The following PLCG2 variants were observed in gnomAD, a reference collection of about 807,000 sequenced individuals.
PLCG2 encodes 1-phosphatidylinositol 4,5-bisphosphate phosphodiesterase gamma-2.
A neutral mutation model predicts 175.6 loss-of-function variants in PLCG2; 69 were observed. The ratio of observed to expected loss-of-function variants is 0.39; its 90% confidence interval spans 0.32 to 0.48. The LOEUF (loss-of-function observed/expected upper bound fraction) is 0.48. Among genes scored for constraint, PLCG2 ranks in the 20% least tolerant of loss-of-function variants. The pLI is 0.91. For synonymous variants in PLCG2, 827 were observed against 624.0 expected (o/e 1.33, Z -4.85); for missense variants, 1,798 against 1,650.9 (o/e 1.09, Z -1.54).
At chr16:81,866,077 A>T (rs1282519347) in intron 5 of PLCG2, among the ~76,000 whole-genome samples, 8 of 116,618 alleles carry the variant, frequency 6.9e-5, no homozygotes, top group African/African-American at 1.7e-4. Context: ...TGCTCCCAGG[A>T]TGGGCTCCAC....
Position 81,834,392 on chromosome 16 carries a change from G to A in PLCG2, c.194-20052G>A, listed in dbSNP as rs898427425. ...GAGTCTTAGCCCAGGAGCCGGCGCG[G>A]GTGGTGTTGGAGAACTCTGGGCCTG... is the stretch of plus-strand genomic sequence containing the variant. On this transcript the variant is annotated intron_variant, in intron 2 of 32. Coordinates refer to ENST00000564138, the MANE Select transcript of PLCG2 (RefSeq NM_002661.5). Among the ~76,000 whole-genome samples, 4 of 152,248 alleles carry A rather than the reference G, an allele frequency of 2.6e-5. No individual in the cohort carries two copies. The East Asian group carries it at 5.8e-4, about 22-fold the overall frequency.
intron 30 of PLCG2, among the ~76,000 whole-genome samples, chr16:81,940,484 C>G (rs1237595565): frequency 1.3e-5 from 2 of 150,940 alleles, no homozygotes; most frequent in African/African-American, 2.5e-5. Context: ...TCTCGAGGGT[C>G]CAACTCCCCA....
At chr16:81,767,144 T>G (rs76177203) in intron 2 of PLCG2, among the ~76,000 whole-genome samples, 2,394 of 137,420 alleles carry the variant, frequency 0.017, 71 homozygotes, top group African/African-American at 0.061. Context: ...TGGTTTTTTT[T>G]TTTTTTTTTT....
intron 13 of PLCG2, among the ~76,000 whole-genome samples, chr16:81,899,351 C>G (rs1451030332): frequency 2.7e-5 from 4 of 150,606 alleles, no homozygotes; most frequent in African/African-American, 4.9e-5. Context: ...TATACATGTA[C>G]TAATGATATG....
At chr16:81,850,362 A>C (rs909021569) in intron 2 of PLCG2, among the ~76,000 whole-genome samples, 2 of 152,238 alleles carry the variant, frequency 1.3e-5, no homozygotes, top group Admixed American at 6.5e-5. Context: ...GAAACAAACA[A>C]ACAAAAAAGT....
intron 1 of PLCG2, among the ~76,000 whole-genome samples, chr16:81,780,424 C>T (rs1005224986): frequency 6.6e-6 from 1 of 152,204 alleles, no homozygotes; most frequent in Non-Finnish European, 1.5e-5. Flanking sequence ...AGGGCATTCT[C>T]TGGGGCATGG....
intron 2 of PLCG2, among the ~76,000 whole-genome samples, chr16:81,805,560 T>C (rs1597328705): frequency 7.2e-6 from 1 of 139,522 alleles, no homozygotes; most frequent in African/African-American, 2.7e-5. Context: ...AAACAAAAGC[T>C]CAACAATAAG....
At chr16:81,786,214 C>G in intron 2 of PLCG2, 32 bp downstream of exon 2, 1 of 1,592,020 alleles carries the variant, frequency 6.3e-7, no homozygotes, top group Non-Finnish European at 8.6e-7. Context: ...CAGTGTGGCC[C>G]GTCCTCTGGG....
chr16:81,951,537 G>A (rs983732763), intron 31 of PLCG2, among the ~76,000 whole-genome samples: 7 of 152,154 alleles, frequency 4.6e-5, no homozygotes, highest in Non-Finnish European at 7.4e-5. Context: ...CTCCACCAAA[G>A]TAAGAAGAAC....
chr16:81,876,570 A>G (rs1043535412), intron 7 of PLCG2, among the ~76,000 whole-genome samples: 3 of 152,114 alleles, frequency 2.0e-5, no homozygotes, highest in Non-Finnish European at 4.4e-5. Context: ...CGACTCAGAG[A>G]TGACATTTCC....
intron 30 of PLCG2, among the ~76,000 whole-genome samples, chr16:81,945,878 C>T (rs987988599): frequency 2.0e-5 from 3 of 152,230 alleles, no homozygotes; most frequent in Non-Finnish European, 4.4e-5. Flanking sequence ...GCAATCACTA[C>T]ACTCAATGTG....
In PLCG2 at chr16:81,958,040, G is replaced by T. The variant is rs548190440; in HGVS notation, c.*42G>T. On this transcript the variant is annotated 3_prime_UTR_variant, in exon 33 of 33. Coordinates refer to ENST00000564138, the MANE Select transcript of PLCG2 (RefSeq NM_002661.5). ...GTAAGGGTATTGTGTGTGTGCGCAT[G>T]TGTGTTTGCATGTAGGAGAACGTGC... is the stretch of plus-strand genomic sequence containing the variant. 5 of 1,426,854 alleles carry T rather than the reference G, an allele frequency of 3.5e-6. No homozygotes were observed. Among genetic ancestry groups the T allele is most frequent in the South Asian group, 3.4e-5 (3 of 87,216 alleles). 88.4% of individuals were successfully genotyped at this position (1,426,854 alleles called of 1,614,324 possible).
chr16:81,751,556 C>T (rs1201210323), intron 1 of PLCG2, among the ~76,000 whole-genome samples: 1 of 151,760 alleles, frequency 6.6e-6, no homozygotes, highest in Non-Finnish European at 1.5e-5. Context: ...TATTGTATGG[C>T]GTGGTAAATG....
In PLCG2 at chr16:81,923,549, G is replaced by C; in HGVS notation, c.2372G>C (p.Cys791Ser). 1 of 1,613,800 alleles carries C rather than the reference G, an allele frequency of 6.2e-7. No individual in the cohort carries two copies. Residue 791 changes from cysteine to serine, a missense_variant, in exon 22 of 33, where the codon TGC becomes TCC. Physicochemically the swap from Cys to Ser is moderately radical, Grantham distance 112. Transcript: ENST00000564138. ...AAGCGAAGCGATGAGCTGAGCTTCT[G>C]CCGTGGTGCCCTCATCCACAATGTC... ...KAKRSDELSF[C>S]RGALIHNVSK...
At chr16:81,844,016 G>A (rs1397868038) in intron 2 of PLCG2, among the ~76,000 whole-genome samples, 1 of 150,228 alleles carries the variant, frequency 6.7e-6, no homozygotes, top group Non-Finnish European at 1.5e-5. Flanking sequence ...TTGCTCTGTG[G>A]CCCAGGCTGG....
chr16:81,881,821 T>G (rs539026331), intron 8 of PLCG2, among the ~76,000 whole-genome samples: 1 of 152,112 alleles, frequency 6.6e-6, no homozygotes, highest in African/African-American at 2.4e-5. Context: ...TTTTTTTTTT[T>G]TTGTATTTTT....
At position 81,782,388 on chromosome 16, in the gene PLCG2, T is replaced by A. The variant is rs1209839176; in HGVS notation, c.-48+2964T>A. ...ACAAAAAAGGGATTTCAAGGCTTTT[T>A]TTTTTCTTTTTTTGAAAAAACCAAA... On this transcript the variant is annotated intron_variant, in intron 1 of 32. Transcript: ENST00000564138. Among the ~76,000 whole-genome samples, 30 of 152,364 alleles carry A rather than the reference T, an allele frequency of 2.0e-4. No individual in the cohort carries two copies. The East Asian group carries it at 5.8e-3, about 29-fold the overall frequency.
At chr16:81,928,535 A>C (rs1910372147) in intron 23 of PLCG2, 23 bp from the exon 24 acceptor site, 4 of 1,491,976 alleles carry the variant, frequency 2.7e-6, no homozygotes, top group South Asian at 2.3e-5. Flanking sequence ...AACTAACGTG[A>C]GTTATGTCTT....
chr16:81,888,271 T>G (rs1392420403), intron 9 of PLCG2, among the ~76,000 whole-genome samples: 1 of 152,090 alleles, frequency 6.6e-6, no homozygotes, highest in Non-Finnish European at 1.5e-5. Context: ...AGTGCAATGG[T>G]ACAACCTCGG....
Sources: allele counts gnomAD v4.1 joint callset (sites outside exome capture counted in the v4.1 genomes callset), GRCh38; gene constraint gnomAD v4.1.1; transcripts MANE v1.5; gene names NCBI Gene and HGNC (gene_info 2026-07-23, HGNC 2026-07-21).